The following SAR1A variants were observed in gnomAD, a reference collection of about 807,000 sequenced individuals.
SAR1A encodes the protein small COPII coat GTPase SAR1A.
Under a neutral mutation model 22.6 loss-of-function variants are expected in SAR1A, and 6 were observed. The ratio of observed to expected loss-of-function variants is 0.27; its 90% CI spans 0.15 to 0.52. The LOEUF (loss-of-function observed/expected upper bound fraction) is 0.52, where lower values mean the gene tolerates loss of function less well. Among genes scored for constraint, SAR1A ranks in the 20% least tolerant of loss-of-function variants. The pLI, the probability that SAR1A is intolerant of heterozygous loss-of-function variation, is 0.96. For missense variants in SAR1A, 145 were observed against 245.1 expected, an observed-to-expected ratio of 0.59 and a Z score of 2.73; for synonymous variants, 70 against 82.2, an observed-to-expected ratio of 0.85 and a Z score of 0.80.
intron 1 of SAR1A, among the ~76,000 whole-genome samples, chr10:70,169,014 A>G (rs1839589762): frequency 6.6e-6 from 1 of 152,146 alleles, no homozygotes; most frequent in Admixed American, 6.5e-5. Context: ...GTACCAACTC[A>G]TCAGTAGTTT....
Position 70,152,049 on chromosome 10 carries a change from A to C in SAR1A, c.*427T>G, listed in dbSNP as rs1839332336. On this transcript the variant is annotated 3_prime_UTR_variant, in exon 7 of 7. Transcript: ENST00000373241. ...AAATGTCATTCATTAGTTTAAAAAAAAAAAAGAATAGAAAACTCTGGACCA... is the reference window on the plus strand; with the variant it reads ...AAATGTCATTCATTAGTTTAAAAAACAAAAAGAATAGAAAACTCTGGACCA... 4.8e-6 allele frequency: 1 copy of C among 206,268 alleles called. No homozygotes were observed. The allele number at this position is 206,268 out of a possible 1,614,324, so 12.8% of individuals were successfully genotyped here. A position where few individuals can be genotyped will look rare whatever the true frequency, so the allele number is the denominator to read the frequency against.
Position 70,153,933 on chromosome 10 carries a change from T to C in SAR1A, c.385A>G (p.Ile129Val), listed in dbSNP as rs368790237. The C allele has an allele frequency of 8.3e-5, 133 of 1,602,996 alleles. 1 individual carries two copies. The highest frequency in any genetic ancestry group is 4.0e-4 in the East Asian group (18 of 44,534). The change falls in exon 6 of 7, where the codon ATC becomes GTC. Residue 129 changes from isoleucine (I) to valine (V), a missense_variant. Ile to Val is a conservative substitution (Grantham distance 29). Coordinates refer to ENST00000373241, the MANE Select transcript of SAR1A (RefSeq NM_020150.5). ...TCAATTTTGTTACCCAAGATAAGGA[T>C]TGGCACATTGGATATTGTTTCATCA... ...MTDETISNVP[I>V]LILGNKIDRT...
chr10:70,161,188 T>G (rs1839463645), intron 3 of SAR1A, 119 bp from the exon 4 acceptor site: 3 of 756,068 alleles, frequency 4.0e-6, no homozygotes, highest in Admixed American at 2.6e-5. Flanking sequence ...AGAAGTTGAG[T>G]GTGGTGGTAC....
chr10:70,153,300 G>A (rs796325140), intron 6 of SAR1A, among the ~76,000 whole-genome samples: 3 of 152,118 alleles, frequency 2.0e-5, no homozygotes, highest in Non-Finnish European at 4.4e-5. Flanking sequence ...AAAAACTATT[G>A]ATTTGGAAGA....
intron 1 of SAR1A, among the ~76,000 whole-genome samples, chr10:70,162,226 G>C (rs935584408): frequency 2.0e-5 from 3 of 151,530 alleles, no homozygotes; most frequent in Admixed American, 6.6e-5. Context: ...AAGAGTCCCA[G>C]CTACTCAGGA....
At chr10:70,155,840 A>G (rs1206105973) in intron 5 of SAR1A, among the ~76,000 whole-genome samples, 1 of 152,258 alleles carries the variant, frequency 6.6e-6, no homozygotes, top group East Asian at 1.9e-4. Flanking sequence ...TTTGGAATAT[A>G]GTTCAAGGTA....
intron 5 of SAR1A, 140 bp from the exon 6 acceptor site, chr10:70,154,109 C>T (rs1839358221): frequency 3.4e-6 from 2 of 585,676 alleles, no homozygotes; most frequent in South Asian, 2.6e-5. Context: ...CAACTTTATA[C>T]CTGAGTGATT....
At chr10:70,154,202 C>T (rs1839359316) in intron 5 of SAR1A, among the ~76,000 whole-genome samples, 1 of 152,182 alleles carries the variant, frequency 6.6e-6, no homozygotes, top group Non-Finnish European at 1.5e-5. Flanking sequence ...CAACTTTATT[C>T]TATTTATTTA....
rs1199292926 is a variant in SAR1A at position 70,162,335 on chromosome 10, T to A, written c.-16-404A>T. ...CTTGGGCAACAGAGGGAGACTCTGATAAAAAAGACAGGACAGGACAGGAGA... is the reference window on the plus strand; with the variant it reads ...CTTGGGCAACAGAGGGAGACTCTGAAAAAAAAGACAGGACAGGACAGGAGA... On this transcript the variant is annotated intron_variant, in intron 1 of 6. Transcript: ENST00000373241. Among the ~76,000 whole-genome samples the A allele has an allele frequency of 4.3e-5, 5 of 116,120 alleles. 1 individual carries two copies. Among genetic ancestry groups the A allele is most frequent in the African/African-American group, 1.7e-4 (5 of 29,190 alleles). 76.2% of individuals were successfully genotyped at this position (116,120 alleles called of 152,430 possible). A position where few individuals can be genotyped will look rare whatever the true frequency, so the allele number is the denominator to read the frequency against.
Position 70,152,377 on chromosome 10 carries a change from T to C in SAR1A, c.*99A>G. ...CTTGGCTTCTCAACGCCAGACATGGTTGGAGAGCTTTCCTTGTTCTATTAG... is the reference window on the plus strand; with the variant it reads ...CTTGGCTTCTCAACGCCAGACATGGCTGGAGAGCTTTCCTTGTTCTATTAG... On this transcript the variant is annotated 3_prime_UTR_variant, in exon 7 of 7. Coordinates refer to ENST00000373241, the MANE Select transcript of SAR1A (RefSeq NM_020150.5). The C allele has an allele frequency of 9.6e-7, 1 of 1,036,762 alleles. No individual in the cohort carries two copies. Among genetic ancestry groups the C allele is most frequent in the East Asian group, 2.4e-5 (1 of 41,592 alleles). The allele number at this position is 1,036,762 out of a possible 1,614,324, so 64.2% of individuals were successfully genotyped here.
chr10:70,152,733 T>A (rs554317920), intron 6 of SAR1A, 141 bp from the exon 7 acceptor site: 4 of 641,812 alleles, frequency 6.2e-6, no homozygotes, highest in African/African-American at 1.8e-5. Flanking sequence ...GTCAAGGCCA[T>A]ATAGATGACT....
chr10:70,155,987 C>CT (rs1225725852), intron 5 of SAR1A, among the ~76,000 whole-genome samples: 13 of 152,308 alleles, frequency 8.5e-5, no homozygotes, highest in Admixed American at 7.2e-4. Flanking sequence ...AAAGTTCCTT[C>CT]TAGCATTATG....
At chr10:70,166,806 TAG>T (rs1048975965) in intron 1 of SAR1A, 2 of 129,142 alleles carry the variant, frequency 1.5e-5, no homozygotes, top group African/African-American at 3.0e-5. Flanking sequence ...CTGGGTAACA[TAG>T]AGAGACCTGC....
At chr10:70,163,576 T>A in intron 1 of SAR1A, 1 of 588,126 alleles carries the variant, frequency 1.7e-6, no homozygotes, top group Non-Finnish European at 3.1e-6. Context: ...ATTTACCATT[T>A]TGAAAATCCT....
At chr10:70,163,861 G>T (rs1839509388) in intron 1 of SAR1A, 5 of 1,587,842 alleles carry the variant, frequency 3.1e-6, no homozygotes, top group Admixed American at 3.3e-5. Context: ...GATGCTGATG[G>T]TAATGGCACA....
At chr10:70,153,294 A>G (rs763346535) in intron 6 of SAR1A, among the ~76,000 whole-genome samples, 46 of 152,190 alleles carry the variant, frequency 3.0e-4, no homozygotes, top group Non-Finnish European at 5.6e-4. Context: ...GACAGTAAAA[A>G]CTATTGATTT....
rs1839303914 is a variant in SAR1A at position 70,149,589 on chromosome 10, T to C, written c.*2887A>G. ...TTTTTTGAGCTAGAGAGAGTCTTGCTCTGTCACCCAGGCAGGAGTACAGTG... is the reference window on the plus strand; with the variant it reads ...TTTTTTGAGCTAGAGAGAGTCTTGCCCTGTCACCCAGGCAGGAGTACAGTG... On this transcript the variant is annotated 3_prime_UTR_variant, in exon 7 of 7. Coordinates refer to ENST00000373241, the MANE Select transcript of SAR1A (RefSeq NM_020150.5). 1 of 117,418 alleles carries C rather than the reference T, an allele frequency of 8.5e-6. No homozygotes were observed. Among genetic ancestry groups the C allele is most frequent in the South Asian group, 3.0e-4 (1 of 3,356 alleles). The allele number at this position is 117,418 out of a possible 1,614,324, so 7.3% of individuals were successfully genotyped here.
At chr10:70,168,351 T>C (rs1056358820) in intron 1 of SAR1A, among the ~76,000 whole-genome samples, 1 of 152,196 alleles carries the variant, frequency 6.6e-6, no homozygotes, top group African/African-American at 2.4e-5. Flanking sequence ...TCCCAGCACT[T>C]TGGGAGGCCG....
In SAR1A at chr10:70,161,929, T is replaced by C; in HGVS notation, c.-14A>G. Reference sequence around the variant, plus strand: ...GATGAAAGACATTATTAATGCTTACTACCTGTATAAAATATGAAAGTAGCA... The same window carrying C: ...GATGAAAGACATTATTAATGCTTACCACCTGTATAAAATATGAAAGTAGCA... On this transcript the variant is annotated splice_region_variant and 5_prime_UTR_variant, in exon 2 of 7. Coordinates refer to ENST00000373241, the MANE Select transcript of SAR1A (RefSeq NM_020150.5). 6.2e-7 allele frequency: 1 copy of C among 1,602,448 alleles called. No individual in the cohort carries two copies. The highest frequency in any genetic ancestry group is 8.5e-7 in the Non-Finnish European group (1 of 1,171,024).
Sources: gnomAD v4.1 joint callset for allele counts (sites outside exome capture counted in the v4.1 genomes callset) on GRCh38, gnomAD v4.1.1 for gene constraint, MANE v1.5 for transcripts, NCBI Gene and HGNC (gene_info 2026-07-23, HGNC 2026-07-21) for gene names.